The following FAM53A variants were observed in gnomAD, a reference collection of about 807,000 sequenced individuals.
FAM53A encodes protein FAM53A.
Under a neutral mutation model 26.6 loss-of-function variants are expected in FAM53A, and 28 were observed. That is an observed-to-expected ratio of 1.05 (90% CI 0.78 to 1.45). The LOEUF is 1.45. Ranked by LOEUF, FAM53A falls within the 40% of genes most tolerant of loss-of-function variation. The pLI is 0.00. For synonymous variants in FAM53A, 290 were observed against 253.1 expected, an observed-to-expected ratio of 1.15 and a Z score of -1.38; for missense variants, 650 against 575.8, an observed-to-expected ratio of 1.13 and a Z score of -1.32.
chr4:1,607,710 G>A, the FAM53A span, among the ~76,000 whole-genome samples: 4 of 152,184 alleles, frequency 2.6e-5, no homozygotes, highest in African/African-American at 9.6e-5. Context: ...GGAGGCCGAG[G>A]TGGGCGGATC....
chr4:1,597,048 A>G, the FAM53A span, among the ~76,000 whole-genome samples: 1 of 152,012 alleles, frequency 6.6e-6, no homozygotes, highest in South Asian at 2.1e-4. Flanking sequence ...CCGAGAGGGG[A>G]CAGGCAGCTC....
the FAM53A span, among the ~76,000 whole-genome samples, chr4:1,575,884 G>A: frequency 2.0e-5 from 3 of 152,148 alleles, no homozygotes; most frequent in African/African-American, 7.2e-5. Context: ...AGTCCACTGA[G>A]CCTGGGGTCA....
Position 1,650,676 on chromosome 4 carries a change from A to C in FAM53A, c.882+4302T>G, listed in dbSNP as rs941223504. ...ATGCCCAGCAAATTTTTGTATTTTT[A>C]GTAGAGGCGGGGTTTCACCATGTTG... is the stretch of plus-strand genomic sequence containing the variant. On this transcript the variant is annotated intron_variant, in intron 4 of 4. Transcript: ENST00000308132. Among the ~76,000 whole-genome samples the C allele has an allele frequency of 7.9e-5, 12 of 151,716 alleles. No individual in the cohort carries two copies. The East Asian group carries it at 1.6e-3, about 20-fold the overall frequency.
At chr4:1,619,288 C>T (rs1378783257) in intron 1 of FAM53A, among the ~76,000 whole-genome samples, 3 of 152,226 alleles carry the variant, frequency 2.0e-5, no homozygotes, top group Admixed American at 6.5e-5. Flanking sequence ...TGGGCAAACA[C>T]GGAGCTGGAG....
downstream of FAM53A, among the ~76,000 whole-genome samples, chr4:1,639,098 C>A (rs1022701578): frequency 6.6e-6 from 1 of 152,148 alleles, no homozygotes; most frequent in South Asian, 2.1e-4. Flanking sequence ...CCCTGTGGGA[C>A]CCTGGCAGGC....
intron 4 of FAM53A, among the ~76,000 whole-genome samples, chr4:1,641,895 C>T (rs1157138964): frequency 1.3e-5 from 2 of 152,182 alleles, no homozygotes. Context: ...ACCCAACGGA[C>T]CAGGTTGGTG....
chr4:1,635,647 C>G (rs1183793163), downstream of FAM53A, among the ~76,000 whole-genome samples: 1 of 152,130 alleles, frequency 6.6e-6, no homozygotes, highest in Non-Finnish European at 1.5e-5. Flanking sequence ...CACTTGGGAT[C>G]TACTCCACAA....
chr4:1,576,618 T>C, the FAM53A span, among the ~76,000 whole-genome samples: 2 of 152,262 alleles, frequency 1.3e-5, no homozygotes, highest in Non-Finnish European at 2.9e-5. Flanking sequence ...CAGAGTTTTC[T>C]GTTCAGAGTG....
intron 4 of FAM53A, 44 bp from the exon 5 acceptor site, chr4:1,641,651 A>T: frequency 6.2e-7 from 1 of 1,602,048 alleles, no homozygotes; most frequent in Non-Finnish European, 8.5e-7. Context: ...CTAGCAGATC[A>T]CACAGGAGGC....
the FAM53A span, among the ~76,000 whole-genome samples, chr4:1,594,231 C>G: frequency 4.6e-5 from 7 of 152,122 alleles, no homozygotes; most frequent in Non-Finnish European, 1.5e-5. Flanking sequence ...GGAGGCAGGA[C>G]GGACAGATAA....
At chr4:1,669,394 C>T (rs941840435) in intron 1 of FAM53A, among the ~76,000 whole-genome samples, 3 of 152,230 alleles carry the variant, frequency 2.0e-5, no homozygotes, top group Admixed American at 1.3e-4. Flanking sequence ...CTGCACCTGG[C>T]GTGCTGACAG....
intron 4 of FAM53A, among the ~76,000 whole-genome samples, chr4:1,651,883 G>A (rs1450273460): frequency 2.6e-5 from 4 of 151,868 alleles, no homozygotes; most frequent in Admixed American, 6.6e-5. Context: ...TAGGGGTCAC[G>A]GCTCCAGTTC....
chr4:1,617,139 T>TCC (rs1714839916), downstream of FAM53A, among the ~76,000 whole-genome samples: 3 of 106,104 alleles, frequency 2.8e-5, no homozygotes, highest in African/African-American at 1.1e-4. Flanking sequence ...CTTGAAATTT[T>TCC]AAAAAAAAGT....
At chr4:1,608,995 G>C in the FAM53A span, among the ~76,000 whole-genome samples, 3 of 152,058 alleles carry the variant, frequency 2.0e-5, no homozygotes. Context: ...GCACCACTGA[G>C]CAAATGGGAT....
chr4:1,632,246 G>C (rs1428008845), intron 1 of FAM53A, among the ~76,000 whole-genome samples: 1 of 152,060 alleles, frequency 6.6e-6, no homozygotes, highest in Non-Finnish European at 1.5e-5. Context: ...ACACGAGTCG[G>C]TCCTAATCTA....
chr4:1,610,369 C>T, the FAM53A span, among the ~76,000 whole-genome samples: 1 of 152,210 alleles, frequency 6.6e-6, no homozygotes, highest in African/African-American at 2.4e-5. Context: ...GCAGGGGAGC[C>T]CAAGGGGCAG....
At chr4:1,632,163 CA>C (rs33944808) in intron 1 of FAM53A, among the ~76,000 whole-genome samples, 8,031 of 107,398 alleles carry the variant, frequency 0.075, 236 homozygotes, top group Middle Eastern at 0.24. Flanking sequence ...GATTCCATCT[CA>C]AAAAAAAAAA....
chr4:1,651,906 G>A (rs1234446383), intron 4 of FAM53A, among the ~76,000 whole-genome samples: 2 of 151,732 alleles, frequency 1.3e-5, no homozygotes, highest in African/African-American at 2.4e-5. Flanking sequence ...ACACAGCGGG[G>A]GTTTCTCCTC....
the FAM53A span, among the ~76,000 whole-genome samples, chr4:1,590,029 A>T: frequency 6.6e-6 from 1 of 152,112 alleles, no homozygotes; most frequent in East Asian, 1.9e-4. Context: ...TTTATTCAAA[A>T]TCATAATTTT....
Sources: allele counts gnomAD v4.1 joint callset (sites outside exome capture counted in the v4.1 genomes callset), GRCh38; gene constraint gnomAD v4.1.1; transcripts MANE v1.5; gene names NCBI Gene and HGNC (gene_info 2026-07-23, HGNC 2026-07-21).